Variants in KLHL3 observed in about 807,000 individuals in gnomAD.
The protein encoded by KLHL3 is kelch like family member 3, also known as kelch-like protein 3.
In KLHL3, 19 loss-of-function variants were observed where a neutral mutation model predicts 70.5. That is an observed-to-expected ratio of 0.27 (90% confidence interval 0.19 to 0.40). The LOEUF (loss-of-function observed/expected upper bound fraction) is 0.40. KLHL3 is among the 10% of genes least tolerant of loss of function. KLHL3 has a pLI of 1.00. For missense variants in KLHL3, 512 were observed against 771.1 expected (o/e 0.66, Z 3.98); for synonymous variants, 258 against 290.3 (o/e 0.89, Z 1.13).
At chr5:137,695,239 AC>A (rs1434131479) in intron 4 of KLHL3, among the ~76,000 whole-genome samples, 1 of 152,180 alleles carries the variant, frequency 6.6e-6, no homozygotes, top group African/African-American at 2.4e-5. Flanking sequence ...ATGGCTTTCA[AC>A]TTCCCTACTG....
chr5:137,641,015 G>A (rs1325127675), intron 8 of KLHL3, among the ~76,000 whole-genome samples: 1 of 152,164 alleles, frequency 6.6e-6, no homozygotes. Context: ...CTACTGCTCT[G>A]GTTAGGTTAA....
chr5:137,696,891 G>A (rs1025607458), intron 4 of KLHL3, among the ~76,000 whole-genome samples: 3 of 152,130 alleles, frequency 2.0e-5, no homozygotes, highest in South Asian at 2.1e-4. Context: ...CCTCCACCAC[G>A]GAACAGGAAC....
rs770564073 is a variant in KLHL3 at position 137,628,292 on chromosome 5, A to G, written c.1591+5T>C. On this transcript the variant is annotated splice_donor_5th_base_variant and intron_variant, in intron 13 of 14. Coordinates refer to ENST00000309755, the MANE Select transcript of KLHL3 (RefSeq NM_017415.3). Reference sequence around the variant, plus strand: ...CAAAGGGGAGATGGAGAGAGCAGTCATTACCTGCGTTGCGCCGGCACATGT... The same window carrying G: ...CAAAGGGGAGATGGAGAGAGCAGTCGTTACCTGCGTTGCGCCGGCACATGT... 3.1e-6 allele frequency: 5 copies of G among 1,614,120 alleles called. No homozygotes were observed. The highest frequency in any genetic ancestry group is 1.6e-4 in the Middle Eastern group (1 of 6,062).
intron 1 of KLHL3, among the ~76,000 whole-genome samples, chr5:137,726,856 T>C (rs1316978984): frequency 6.6e-6 from 1 of 152,162 alleles, no homozygotes; most frequent in Admixed American, 6.5e-5. Context: ...AACACTTTTA[T>C]TTTTTAATGA....
At chr5:137,651,580 A>C (rs1193333361) in intron 8 of KLHL3, among the ~76,000 whole-genome samples, 1 of 152,204 alleles carries the variant, frequency 6.6e-6, no homozygotes, top group African/African-American at 2.4e-5. Flanking sequence ...GACCTGCATA[A>C]ATGGAGTTAT....
At chr5:137,626,207 C>A (rs780885003) in intron 13 of KLHL3, among the ~76,000 whole-genome samples, 5 of 152,184 alleles carry the variant, frequency 3.3e-5, no homozygotes, top group Non-Finnish European at 5.9e-5. Context: ...TGGGCACAGA[C>A]CCCTCTTTAA....
intron 8 of KLHL3, among the ~76,000 whole-genome samples, chr5:137,655,852 G>T (rs1421330069): frequency 6.6e-6 from 1 of 151,904 alleles, no homozygotes; most frequent in African/African-American, 2.4e-5. Context: ...TTAGCTGGGT[G>T]TGTTGGCACA....
chr5:137,664,519 T>C (rs1751564802), intron 6 of KLHL3, among the ~76,000 whole-genome samples: 1 of 151,978 alleles, frequency 6.6e-6, no homozygotes, highest in African/African-American at 2.4e-5. Context: ...AGATCACCAA[T>C]GGATGCTAAA....
intron 1 of KLHL3, among the ~76,000 whole-genome samples, chr5:137,731,969 C>G (rs77437186): frequency 0.081 from 12,300 of 152,214 alleles, 682 homozygotes; most frequent in Non-Finnish European, 0.12. Flanking sequence ...CAAACTGAAA[C>G]TCTCTATCCA....
chr5:137,690,498 C>T (rs551470932), intron 5 of KLHL3, among the ~76,000 whole-genome samples: 1 of 152,000 alleles, frequency 6.6e-6, no homozygotes, highest in Non-Finnish European at 1.5e-5. Context: ...AGCACAGGAA[C>T]GGCAGAGAAG....
At chr5:137,675,352 T>C (rs932159675) in intron 6 of KLHL3, among the ~76,000 whole-genome samples, 4 of 152,254 alleles carry the variant, frequency 2.6e-5, no homozygotes, top group Non-Finnish European at 5.9e-5. Flanking sequence ...TGGCATATTT[T>C]ACCATTATCA....
intron 10 of KLHL3, among the ~76,000 whole-genome samples, 186 bp from the exon 11 acceptor site, chr5:137,637,581 G>T (rs772181183): frequency 1.3e-5 from 2 of 152,224 alleles, no homozygotes; most frequent in Admixed American, 6.5e-5. Flanking sequence ...GTGTCTGCCT[G>T]CAGGGACTAT....
intron 6 of KLHL3, among the ~76,000 whole-genome samples, chr5:137,664,303 G>C (rs1380498168): frequency 5.9e-5 from 9 of 151,378 alleles, no homozygotes; most frequent in African/African-American, 2.2e-4. Context: ...TGTGCCATGA[G>C]TGTACCACTG....
At chr5:137,673,144 G>C (rs1751803014) in intron 6 of KLHL3, among the ~76,000 whole-genome samples, 1 of 152,086 alleles carries the variant, frequency 6.6e-6, no homozygotes, top group African/African-American at 2.4e-5. Context: ...GCCCATCCTG[G>C]GAAATGCAGG....
intron 8 of KLHL3, among the ~76,000 whole-genome samples, chr5:137,644,366 G>A (rs982286442): frequency 2.0e-5 from 3 of 152,066 alleles, no homozygotes; most frequent in Non-Finnish European, 4.4e-5. Context: ...CACTGTGCCC[G>A]GCCTTTTTAT....
intron 6 of KLHL3, among the ~76,000 whole-genome samples, chr5:137,673,198 T>C (rs1418700572): frequency 6.6e-6 from 1 of 152,170 alleles, no homozygotes; most frequent in African/African-American, 2.4e-5. Flanking sequence ...TAAATGAAGG[T>C]TGCCAGGTGA....
intron 4 of KLHL3, among the ~76,000 whole-genome samples, chr5:137,693,404 G>A (rs1354453742): frequency 6.6e-6 from 1 of 152,082 alleles, no homozygotes; most frequent in Non-Finnish European, 1.5e-5. Context: ...TTTCCTAAGG[G>A]TCAGGGAAGA....
chr5:137,705,521 C>T (rs375243026), intron 3 of KLHL3, among the ~76,000 whole-genome samples: 1 of 152,190 alleles, frequency 6.6e-6, no homozygotes, highest in East Asian at 1.9e-4. Context: ...GACAGTAACT[C>T]CTCTTTAAAA....
intron 13 of KLHL3, among the ~76,000 whole-genome samples, chr5:137,627,872 T>G (rs895661016): frequency 2.0e-5 from 3 of 152,140 alleles, no homozygotes; most frequent in Non-Finnish European, 4.4e-5. Context: ...TGCTTTCAAG[T>G]AGGAAGTGAG....
Sources: gnomAD v4.1 joint callset for allele counts (sites outside exome capture counted in the v4.1 genomes callset) on GRCh38, gnomAD v4.1.1 for gene constraint, MANE v1.5 for transcripts, NCBI Gene and HGNC (gene_info 2026-07-23, HGNC 2026-07-21) for gene names.